EPC1: variants seen among roughly 807,000 people sequenced by gnomAD.
The protein encoded by EPC1 is enhancer of polycomb homolog 1.
EPC1 carries 12 observed loss-of-function variants against 98.4 expected under a neutral mutation model. That is an observed-to-expected ratio of 0.12 (90% confidence interval 0.08 to 0.20). The LOEUF (loss-of-function observed/expected upper bound fraction) is 0.20. Ranked by LOEUF, EPC1 falls within the 10% of genes least tolerant of loss-of-function variation. EPC1 has a pLI of 1.00. For missense variants in EPC1, 729 were observed against 990.5 expected, an observed-to-expected ratio of 0.74 and a Z score of 3.54; for synonymous variants, 357 against 363.9, an observed-to-expected ratio of 0.98 and a Z score of 0.21.
chr10:32,318,274 C>T (rs542696694), intron 1 of EPC1, among the ~76,000 whole-genome samples: 5 of 152,192 alleles, frequency 3.3e-5, no homozygotes, highest in East Asian at 1.9e-4. Context: ...AAAACAGCCC[C>T]GAGAGCAGTA....
intron 1 of EPC1, among the ~76,000 whole-genome samples, chr10:32,341,659 T>C (rs1838363103): frequency 6.6e-6 from 1 of 152,214 alleles, no homozygotes; most frequent in Admixed American, 6.5e-5. Context: ...AAACAAAAGT[T>C]AATACTAACA....
At chr10:32,276,382 C>T (rs1340911733) in intron 10 of EPC1, among the ~76,000 whole-genome samples, 1 of 152,044 alleles carries the variant, frequency 6.6e-6, no homozygotes, top group Non-Finnish European at 1.5e-5. Context: ...CGTGGTGGCA[C>T]ATGCCTGTAA....
intron 2 of EPC1, among the ~76,000 whole-genome samples, chr10:32,302,218 G>C (rs1835592869): frequency 6.6e-6 from 1 of 150,976 alleles, no homozygotes; most frequent in East Asian, 2.0e-4. Context: ...TCCAGCCTGG[G>C]TGACAGAGCA....
intron 1 of EPC1, among the ~76,000 whole-genome samples, chr10:32,353,665 A>C (rs1488433290): frequency 2.0e-5 from 3 of 152,228 alleles, no homozygotes; most frequent in Non-Finnish European, 4.4e-5. Flanking sequence ...CTAATAATAA[A>C]GTGAGGTACT....
chr10:32,302,884 T>A (rs1016872887), intron 2 of EPC1, among the ~76,000 whole-genome samples: 4 of 152,074 alleles, frequency 2.6e-5, no homozygotes, highest in African/African-American at 9.7e-5. Context: ...CTGGGTAATA[T>A]ACACCTGGTG....
Position 32,293,838 on chromosome 10 carries a change from TAAGA to T in EPC1, c.314-105_314-102del, listed in dbSNP as rs1413647555. The stretch of plus-strand genomic sequence containing the variant: ...ACAAGACCTAGACTTTCTAAAGAAA[TAAGA>T]AAGAATTCTTGGATTTTGTTTTCAG... On this transcript the variant is annotated intron_variant, in intron 2 of 13. Coordinates refer to ENST00000319778, the MANE Select transcript of EPC1 (RefSeq NM_001272004.3). The T allele has an allele frequency of 3.6e-6, 4 of 1,121,326 alleles. No homozygotes were observed. The African/African-American group carries it at 4.7e-5, about 13-fold the overall frequency. 69.5% of individuals were successfully genotyped at this position (1,121,326 alleles called of 1,614,324 possible). A position where few individuals can be genotyped will look rare whatever the true frequency, so the allele number is the denominator to read the frequency against.
intron 2 of EPC1, among the ~76,000 whole-genome samples, chr10:32,295,889 A>C (rs186040169): frequency 5.9e-4 from 89 of 151,976 alleles, no homozygotes; most frequent in Non-Finnish European, 1.0e-3. Flanking sequence ...AGAAAGCCAA[A>C]TTGATAGGGA....
In EPC1 at chr10:32,330,755, G is replaced by C. The variant is rs551971680; in HGVS notation, c.153+16008C>G. Among the ~76,000 whole-genome samples, 10 of 152,104 alleles carry C rather than the reference G, an allele frequency of 6.6e-5. No individual in the cohort carries two copies. In the East Asian group the frequency reaches 1.9e-3, roughly 29 times the overall value. On this transcript the variant is annotated intron_variant, in intron 1 of 13. Transcript: ENST00000319778. Reference sequence around the variant, plus strand: ...ATTGGTTTCTTGCTAATGATACAAAGTACTACGCATCCTTGAGAAATAGTT... The same window carrying C: ...ATTGGTTTCTTGCTAATGATACAAACTACTACGCATCCTTGAGAAATAGTT...
At chr10:32,349,363 G>T (rs141243730), upstream of EPC1, among the ~76,000 whole-genome samples, 5 of 152,240 alleles carry the variant, frequency 3.3e-5, no homozygotes, top group Non-Finnish European at 5.9e-5. Context: ...TTATTCTCTA[G>T]AGAGTCTAAA....
chr10:32,364,201 ACTTTTAG>A (rs1391706198), intron 1 of EPC1, among the ~76,000 whole-genome samples: 2 of 150,054 alleles, frequency 1.3e-5, no homozygotes, highest in Non-Finnish European at 3.0e-5. Flanking sequence ...TTTAGTAGAG[ACTTTTAG>A]TAGATTTTGT....
At position 32,268,955 on chromosome 10, in the gene EPC1, G is replaced by A; in HGVS notation, c.*108C>T. 1.1e-6 allele frequency: 1 copy of A among 909,934 alleles called. No individual in the cohort carries two copies. Among genetic ancestry groups the A allele is most frequent in the South Asian group, 1.5e-5 (1 of 64,924 alleles). The allele number at this position is 909,934 out of a possible 1,614,324, so 56.4% of individuals were successfully genotyped here. ...TGAGCATTGCTGTCAAGTCCCCACA[G>A]CTGCCACAGAAACGCATGTGCTGCT... On this transcript the variant is annotated 3_prime_UTR_variant, in exon 14 of 14. Coordinates refer to ENST00000319778, the MANE Select transcript of EPC1 (RefSeq NM_001272004.3).
intron 1 of EPC1, among the ~76,000 whole-genome samples, chr10:32,326,872 T>G (rs2505406): frequency 0.91 from 138,510 of 151,964 alleles, 64,528 homozygotes; most frequent in East Asian, 1. Flanking sequence ...AGTGAGAACG[T>G]CTATTAGAAA....
At chr10:32,339,155 T>C (rs532480957) in intron 1 of EPC1, among the ~76,000 whole-genome samples, 5 of 152,280 alleles carry the variant, frequency 3.3e-5, no homozygotes, top group African/African-American at 7.2e-5. Flanking sequence ...CTACATAATA[T>C]GCAAATGAGA....
In EPC1 at chr10:32,346,805, G is replaced by A. The variant is rs370890445; in HGVS notation, c.111C>T (p.Ala37=). The A allele has an allele frequency of 1.9e-5, 30 of 1,614,038 alleles. No homozygotes were observed. The highest frequency in any genetic ancestry group is 3.3e-4 in the Middle Eastern group (2 of 6,084). Residue 37 remains alanine, a synonymous_variant, in exon 1 of 14, where the codon GCC becomes GCT. Coordinates refer to ENST00000319778, the MANE Select transcript of EPC1 (RefSeq NM_001272004.3). The part of the protein sequence containing the change: ...DLHEYASINR[A]VPQMPTGMEK... ...CCATTCCGGTGGGCATCTGCGGCAC[G>A]GCCCTGTTTATCGAGGCGTATTCGT...
chr10:32,295,460 T>C (rs1048742951), intron 2 of EPC1, among the ~76,000 whole-genome samples: 5 of 152,192 alleles, frequency 3.3e-5, no homozygotes, highest in Non-Finnish European at 5.9e-5. Flanking sequence ...AACATTCCTA[T>C]TAAAATAAGT....
At chr10:32,334,456 TAAAA>T (rs55976619) in intron 1 of EPC1, among the ~76,000 whole-genome samples, 9 of 146,290 alleles carry the variant, frequency 6.2e-5, no homozygotes, top group Non-Finnish European at 1.1e-4. Flanking sequence ...ATATAACAGC[TAAAA>T]AAAAAAAAAA....
chr10:32,274,305 G>GT (rs1835976191), intron 10 of EPC1, among the ~76,000 whole-genome samples: 1 of 152,074 alleles, frequency 6.6e-6, no homozygotes, highest in South Asian at 2.1e-4. Context: ...AAAGTTTAAT[G>GT]TTTTCAAAAT....
At chr10:32,332,219 C>T (rs946441505) in intron 1 of EPC1, among the ~76,000 whole-genome samples, 3 of 152,124 alleles carry the variant, frequency 2.0e-5, no homozygotes, top group African/African-American at 7.2e-5. Flanking sequence ...TAACAGTTGA[C>T]AGCAAACAGG....
At chr10:32,290,025 G>T (rs974542753) in intron 6 of EPC1, among the ~76,000 whole-genome samples, 33 of 152,022 alleles carry the variant, frequency 2.2e-4, no homozygotes, top group African/African-American at 6.8e-4. Flanking sequence ...ATTTACCTCA[G>T]TTTTCCTTCA....
Sources: allele counts gnomAD v4.1 joint callset (sites outside exome capture counted in the v4.1 genomes callset), GRCh38; gene constraint gnomAD v4.1.1; transcripts MANE v1.5; gene names NCBI Gene and HGNC (gene_info 2026-07-23, HGNC 2026-07-21).